Variants in SLC22A23 observed in about 807,000 individuals in gnomAD.
SLC22A23 encodes solute carrier family 22 member 23, also known as ion transporter protein.
A neutral mutation model predicts 61.0 loss-of-function variants in SLC22A23; 26 were observed. The ratio of observed to expected loss-of-function variants is 0.43; its 90% CI spans 0.31 to 0.59. SLC22A23 has a LOEUF of 0.59. SLC22A23 is among the 20% of genes least tolerant of loss of function. The probability of loss-of-function intolerance (pLI) is 0.11; values close to 1 mark genes in which losing one functional copy is unlikely to be tolerated. For synonymous variants in SLC22A23, 430 were observed against 413.9 expected (o/e 1.04, Z -0.47); for missense variants, 796 against 934.7 (o/e 0.85, Z 1.94).
rs1055597794 is a variant in SLC22A23, at chr6:3,386,168, G to C, written c.913+24020C>G. Among the ~76,000 whole-genome samples, 1 of 152,162 alleles carries C rather than the reference G, an allele frequency of 6.6e-6. No homozygotes were observed. The highest frequency in any genetic ancestry group is 1.5e-5 in the Non-Finnish European group (1 of 68,032). On this transcript the variant is annotated intron_variant, in intron 3 of 9. Coordinates refer to ENST00000406686, the MANE Select transcript of SLC22A23 (RefSeq NM_015482.2). This position sits in a 1 kb window ranked among gnomAD's most constrained non-coding sequence, Gnocchi z 4.4. ...GGGTGTCTCATTACCTGACGAGGTG[G>C]ATTTATTAATGATCTGGGTTGACAT...
At position 3,322,112 on chromosome 6, in the gene SLC22A23, A is replaced by C. The variant is rs917796150; in HGVS notation, c.1082+1722T>G. On this transcript the variant is annotated intron_variant, in intron 4 of 9. Coordinates refer to ENST00000406686, the MANE Select transcript of SLC22A23 (RefSeq NM_015482.2). The surrounding 1 kb of genome is among the most constrained non-coding windows in gnomAD (Gnocchi z 4.1). ...GAAGACAGGAGCCAGGTGTGGCAAGAGTTGGCCGCTTCAGGTCCAGGCTCT... is the reference window on the plus strand; with the variant it reads ...GAAGACAGGAGCCAGGTGTGGCAAGCGTTGGCCGCTTCAGGTCCAGGCTCT... 3.3e-5 allele frequency among the ~76,000 whole-genome samples: 5 copies of C among 152,154 alleles called. No individual in the cohort carries two copies. Among genetic ancestry groups the C allele is most frequent in the African/African-American group, 1.2e-4 (5 of 41,422 alleles).
intron 1 of SLC22A23, among the ~76,000 whole-genome samples, chr6:3,443,178 G>A (rs1372189426): frequency 1.3e-5 from 2 of 152,226 alleles, no homozygotes; most frequent in South Asian, 2.1e-4. Context: ...AAGACAGACT[G>A]GGAAAGGCTT....
intron 3 of SLC22A23, among the ~76,000 whole-genome samples, chr6:3,347,943 C>T (rs547155802): frequency 3.3e-4 from 51 of 152,280 alleles, no homozygotes; most frequent in Non-Finnish European, 6.2e-4. Flanking sequence ...CCAGCCTGGA[C>T]GCCCTCCTGT....
Position 3,426,872 on chromosome 6 carries a change from A to T in SLC22A23, c.655-11017T>A, listed in dbSNP as rs537244290. On this transcript the variant is annotated intron_variant, in intron 1 of 9. Transcript: ENST00000406686. ...CTGTAGTAGGTGTGACTGCTGCTACAGGACAGCATAATCCTTCAGGTTTTT... is the reference window on the plus strand; with the variant it reads ...CTGTAGTAGGTGTGACTGCTGCTACTGGACAGCATAATCCTTCAGGTTTTT... Among the ~76,000 whole-genome samples the T allele has an allele frequency of 2.0e-5, 3 of 152,358 alleles. No homozygotes were observed. The East Asian group carries it at 5.8e-4, about 29-fold the overall frequency.
At position 3,272,874 on chromosome 6, in the gene SLC22A23, G is replaced by GTT; in HGVS notation, c.*179_*180dup. The GTT allele has an allele frequency of 5.6e-6, 3 of 537,562 alleles. No individual in the cohort carries two copies. 33.3% of individuals were successfully genotyped at this position (537,562 alleles called of 1,614,324 possible). The stretch of plus-strand genomic sequence containing the variant: ...GTCTTGAAAGGGTTATTTCCAAAGA[G>GTT]TTTGTCTCCTCCGACCCGCGCTCCT... On this transcript the variant is annotated 3_prime_UTR_variant, in exon 10 of 10. Coordinates refer to ENST00000406686, the MANE Select transcript of SLC22A23 (RefSeq NM_015482.2).
At position 3,269,370 on chromosome 6, in the gene SLC22A23, G is replaced by C. The variant is rs573310692; in HGVS notation, c.*3685C>G. 4.0e-5 allele frequency: 6 copies of C among 151,880 alleles called. No homozygotes were observed. The highest frequency in any genetic ancestry group is 1.5e-4 in the African/African-American group (6 of 41,004). 9.4% of individuals were successfully genotyped at this position (151,880 alleles called of 1,614,324 possible). On this transcript the variant is annotated 3_prime_UTR_variant, in exon 10 of 10. Transcript: ENST00000406686. ...GACGCAGTGAGGTCTGAATGAACAC[G>C]GAGGATTTTATTACTCACCATTAAT...
chr6:3,374,471 A>G (rs1332136125), intron 3 of SLC22A23, among the ~76,000 whole-genome samples: 1 of 152,194 alleles, frequency 6.6e-6, no homozygotes, highest in East Asian at 1.9e-4. Flanking sequence ...TAACAACATG[A>G]GCAAAGTGCT....
In SLC22A23 at chr6:3,397,813, AT is replaced by A. The variant is rs2127495014; in HGVS notation, c.913+12374del. On this transcript the variant is annotated intron_variant, in intron 3 of 9. Transcript: ENST00000406686. ...AGCCAAGATTCACTGTAGCTACTAG[AT>A]GTCTAACTCTTACACTCCGGGGCTG... is the stretch of plus-strand genomic sequence containing the variant. 1.3e-5 allele frequency among the ~76,000 whole-genome samples: 2 copies of A among 152,292 alleles called. 1 individual carries two copies. The highest frequency in any genetic ancestry group is 4.1e-4 in the South Asian group (2 of 4,826).
At chr6:3,401,764 A>G (rs1768407972) in intron 3 of SLC22A23, among the ~76,000 whole-genome samples, 1 of 152,160 alleles carries the variant, frequency 6.6e-6, no homozygotes. Flanking sequence ...TTGCTCAGCT[A>G]CAGAGCCCCT....
chr6:3,450,623 A>G (rs937647348), intron 1 of SLC22A23, among the ~76,000 whole-genome samples: 7 of 152,232 alleles, frequency 4.6e-5, no homozygotes, highest in South Asian at 2.1e-4. Flanking sequence ...GGTATTAGGA[A>G]AAGAATTTAA....
rs531439496 is a variant in SLC22A23, at chr6:3,404,883, A to C, written c.913+5305T>G. Among the ~76,000 whole-genome samples the C allele has an allele frequency of 9.2e-5, 14 of 152,140 alleles. No individual in the cohort carries two copies. The South Asian group carries it at 2.9e-3, about 32-fold the overall frequency. ...TTCCAGTGAAGAAAATGACCAATGG[A>C]GAGACCTCAATCTGCTCCGATTTCC... On this transcript the variant is annotated intron_variant, in intron 3 of 9. Transcript: ENST00000406686.
chr6:3,286,706 T>C lies in SLC22A23; in HGVS notation c.1546+153A>G, dbSNP rs1760041377. On this transcript the variant is annotated intron_variant, in intron 7 of 9. Coordinates refer to ENST00000406686, the MANE Select transcript of SLC22A23 (RefSeq NM_015482.2). The surrounding 1 kb of genome is among the most constrained non-coding windows in gnomAD (Gnocchi z 4.2). ...TGCCCTCTAAGGCGGGCTCCACAGA[T>C]GCTCTCAACTGAAGCTCTGTTCTCC... 6.6e-6 allele frequency among the ~76,000 whole-genome samples: 1 copy of C among 152,196 alleles called. No individual in the cohort carries two copies. Among genetic ancestry groups the C allele is most frequent in the Non-Finnish European group, 1.5e-5 (1 of 68,032 alleles).
At chr6:3,379,243 G>A (rs760135792) in intron 3 of SLC22A23, among the ~76,000 whole-genome samples, 4 of 152,104 alleles carry the variant, frequency 2.6e-5, no homozygotes, top group Admixed American at 6.5e-5. Flanking sequence ...AGGGGACTTC[G>A]GCTTCCCCCA....
At position 3,309,934 on chromosome 6, in the gene SLC22A23, G is replaced by A. The variant is rs1762254137; in HGVS notation, c.1083-11716C>T. Among the ~76,000 whole-genome samples, 1 of 152,212 alleles carries A rather than the reference G, an allele frequency of 6.6e-6. No individual in the cohort carries two copies. On this transcript the variant is annotated intron_variant, in intron 4 of 9. Coordinates refer to ENST00000406686, the MANE Select transcript of SLC22A23 (RefSeq NM_015482.2). This position sits in a 1 kb window ranked among gnomAD's most constrained non-coding sequence, Gnocchi z 4.7. ...GGCAGGCCTGGAACCTGGGACTTAA[G>A]GCCCCTAAACCTGTGGAGTTTTCCT...
intron 4 of SLC22A23, among the ~76,000 whole-genome samples, chr6:3,306,746 G>A (rs567993190): frequency 4.0e-5 from 6 of 148,254 alleles, no homozygotes; most frequent in East Asian, 3.9e-4. Flanking sequence ...AACCCCAGGT[G>A]GGGGGAGAGA....
intron 3 of SLC22A23, among the ~76,000 whole-genome samples, chr6:3,370,036 T>C (rs895214393): frequency 6.6e-6 from 1 of 152,178 alleles, no homozygotes; most frequent in Non-Finnish European, 1.5e-5. Flanking sequence ...AGAAAATAGA[T>C]CCAATTTTAT....
rs542333062 is a variant in SLC22A23, at chr6:3,454,445, C to T, written c.654+1461G>A. 4.2e-4 allele frequency among the ~76,000 whole-genome samples: 64 copies of T among 152,290 alleles called. 1 individual carries two copies. Among genetic ancestry groups the T allele is most frequent in the Middle Eastern group, 6.8e-3 (2 of 294 alleles). ...GCTCTTCACACATACTCACTTTGAT[C>T]CATTATTCTCCCTCTGCTCTAGAAA... On this transcript the variant is annotated intron_variant, in intron 1 of 9. Coordinates refer to ENST00000406686, the MANE Select transcript of SLC22A23 (RefSeq NM_015482.2). The surrounding 1 kb of genome is among the most constrained non-coding windows in gnomAD (Gnocchi z 4.3).
At chr6:3,332,358 G>A (rs769873729) in intron 3 of SLC22A23, among the ~76,000 whole-genome samples, 71 of 151,226 alleles carry the variant, frequency 4.7e-4, no homozygotes, top group Non-Finnish European at 8.8e-4. Flanking sequence ...TCTAGTAATA[G>A]TAAATATATT....
chr6:3,284,252 G>C (rs1759757455), intron 8 of SLC22A23: 1 of 343,536 alleles, frequency 2.9e-6, no homozygotes, highest in Non-Finnish European at 5.5e-6. Context: ...GCCATGCCTG[G>C]TGGGAGGGCA....
Sources: allele counts gnomAD v4.1 joint callset (sites outside exome capture counted in the v4.1 genomes callset), GRCh38; gene constraint gnomAD v4.1.1; non-coding constraint Gnocchi (gnomAD v3.1); transcripts MANE v1.5; gene names NCBI Gene and HGNC (gene_info 2026-07-23, HGNC 2026-07-21).